CDH13: variants seen among roughly 807,000 people sequenced by gnomAD.
The protein encoded by CDH13 is cadherin-13.
Under a neutral mutation model 63.8 loss-of-function variants are expected in CDH13, and 24 were observed. That is an observed-to-expected ratio of 0.38 (90% CI 0.27 to 0.53). The LOEUF (loss-of-function observed/expected upper bound fraction) is 0.53. Among genes scored for constraint, CDH13 ranks in the 20% least tolerant of loss-of-function variants. The pLI, the probability that CDH13 is intolerant of heterozygous loss-of-function variation, is 0.85. For synonymous variants in CDH13, 503 were observed against 355.3 expected, an observed-to-expected ratio of 1.42 and a Z score of -4.67; for missense variants, 1,049 against 903.1, an observed-to-expected ratio of 1.16 and a Z score of -2.07.
At position 83,486,651 on chromosome 16, in the gene CDH13, G is replaced by T; in HGVS notation, c.956G>T (p.Arg319Leu). Residue 319 changes from arginine to leucine, a missense_variant, in exon 7 of 14, where the codon CGA becomes CTA. Coordinates refer to ENST00000567109, the MANE Select transcript of CDH13 (RefSeq NM_001257.5). ...VTVVSPALLD[R>L]ETLENPKYEL... ...GTTGTGTCACCTGCGCTGCTGGACC[G>T]AGAGGTGAGCTGAAAAGAATACACT... The T allele has an allele frequency of 1.2e-6, 2 of 1,613,346 alleles. No homozygotes were observed. The highest frequency in any genetic ancestry group is 2.2e-5 in the South Asian group (2 of 91,002).
At chr16:82,931,445 G>C (rs1427202115) in intron 2 of CDH13, among the ~76,000 whole-genome samples, 1 of 151,922 alleles carries the variant, frequency 6.6e-6, no homozygotes, top group African/African-American at 2.4e-5. Flanking sequence ...TTGATGCTAT[G>C]GGCATAAATG....
At chr16:82,669,372 A>C (rs1203442607) in intron 1 of CDH13, among the ~76,000 whole-genome samples, 3 of 152,246 alleles carry the variant, frequency 2.0e-5, no homozygotes, top group Non-Finnish European at 2.9e-5. Context: ...ACGCAGGTAC[A>C]ATATATCTTA....
chr16:83,289,163 G>C (rs900219699), intron 5 of CDH13, among the ~76,000 whole-genome samples: 7 of 152,216 alleles, frequency 4.6e-5, no homozygotes, highest in Admixed American at 4.6e-4. Flanking sequence ...GCGAAGACCA[G>C]GAAGAATTCA....
At chr16:83,582,247 A>G (rs554726679) in intron 7 of CDH13, among the ~76,000 whole-genome samples, 1 of 152,082 alleles carries the variant, frequency 6.6e-6, no homozygotes, top group Admixed American at 6.5e-5. Context: ...TGCTTTACGC[A>G]GATGTTTCTG....
chr16:83,715,891 GA>G lies in CDH13; in HGVS notation c.1539-32210del, dbSNP rs1402828855. 5.3e-5 allele frequency among the ~76,000 whole-genome samples: 8 copies of G among 152,092 alleles called. No homozygotes were observed. The East Asian group carries it at 1.4e-3, about 26-fold the overall frequency. ...AAGACGAAATGCCTTCCTGGGTGGG[GA>G]AAAAAACAACAGATGTCCACTACCC... On this transcript the variant is annotated intron_variant, in intron 10 of 13. Coordinates refer to ENST00000567109, the MANE Select transcript of CDH13 (RefSeq NM_001257.5).
At chr16:83,427,700 G>A (rs560732060) in intron 6 of CDH13, among the ~76,000 whole-genome samples, 2 of 151,574 alleles carry the variant, frequency 1.3e-5, no homozygotes, top group South Asian at 2.1e-4. Flanking sequence ...CTCCACCCTC[G>A]GCAGGCCTGG....
At chr16:82,751,488 A>G (rs1452046257) in intron 1 of CDH13, among the ~76,000 whole-genome samples, 2 of 152,004 alleles carry the variant, frequency 1.3e-5, no homozygotes, top group Non-Finnish European at 1.5e-5. Flanking sequence ...ACCTCCTACT[A>G]CAGCACCTCA....
chr16:83,729,700 C>G (rs1292615473), intron 10 of CDH13, among the ~76,000 whole-genome samples: 1 of 152,132 alleles, frequency 6.6e-6, no homozygotes, highest in Admixed American at 6.5e-5. Flanking sequence ...ATAAGCTGAC[C>G]CATGTAAAGT....
intron 3 of CDH13, among the ~76,000 whole-genome samples, chr16:83,071,023 A>G (rs1395080364): frequency 6.6e-6 from 1 of 152,120 alleles, no homozygotes; most frequent in African/African-American, 2.4e-5. Context: ...CTGGCAAAGG[A>G]AAAGAACATT....
rs187364284 is a variant in CDH13, at chr16:83,086,040, C to T, written c.367-39345C>T. On this transcript the variant is annotated intron_variant, in intron 3 of 13. Coordinates refer to ENST00000567109, the MANE Select transcript of CDH13 (RefSeq NM_001257.5). Reference sequence around the variant, plus strand: ...ACAGCTAAGGCAGGTGTACTGGCTGCTCCAATTGAGAACAAACAAGGCACC... The same window carrying T: ...ACAGCTAAGGCAGGTGTACTGGCTGTTCCAATTGAGAACAAACAAGGCACC... 7.9e-5 allele frequency among the ~76,000 whole-genome samples: 12 copies of T among 152,278 alleles called. No individual in the cohort carries two copies. The East Asian group carries it at 2.3e-3, about 29-fold the overall frequency.
chr16:82,818,702 G>A (rs568849991), intron 1 of CDH13, among the ~76,000 whole-genome samples: 2 of 152,232 alleles, frequency 1.3e-5, no homozygotes, highest in South Asian at 2.1e-4. Context: ...CAAAAAAAAG[G>A]CAGTGACGGT....
chr16:83,002,121 T>C (rs1033284938), intron 2 of CDH13, among the ~76,000 whole-genome samples: 14 of 152,314 alleles, frequency 9.2e-5, no homozygotes, highest in Admixed American at 3.9e-4. Context: ...AAAAGATATG[T>C]CCACATCCTA....
intron 5 of CDH13, among the ~76,000 whole-genome samples, chr16:83,326,370 A>C (rs1384189043): frequency 6.6e-6 from 1 of 150,524 alleles, no homozygotes; most frequent in Non-Finnish European, 1.5e-5. Context: ...TATCTCAAGG[A>C]TTGGAGAAAC....
chr16:83,632,409 A>C (rs751518765), intron 8 of CDH13, among the ~76,000 whole-genome samples: 14 of 152,092 alleles, frequency 9.2e-5, no homozygotes, highest in Non-Finnish European at 2.1e-4. Flanking sequence ...TTGGTAATGA[A>C]GGCCAGCAGC....
At chr16:82,924,084 ACCC>A (rs1221924950) in intron 2 of CDH13, among the ~76,000 whole-genome samples, 1 of 152,248 alleles carries the variant, frequency 6.6e-6, no homozygotes, top group East Asian at 1.9e-4. Context: ...GATGGAGATT[ACCC>A]AATTAAATAA....
chr16:83,130,359 G>T (rs1473904280), intron 4 of CDH13, among the ~76,000 whole-genome samples: 1 of 152,200 alleles, frequency 6.6e-6, no homozygotes, highest in African/African-American at 2.4e-5. Flanking sequence ...AGATTTCAAA[G>T]TCTGTGCTCT....
intron 6 of CDH13, among the ~76,000 whole-genome samples, chr16:83,359,079 A>T (rs1047186031): frequency 1.3e-5 from 2 of 151,948 alleles, no homozygotes; most frequent in Non-Finnish European, 2.9e-5. Context: ...GAGAATATTA[A>T]TTTTTTTCTT....
intron 2 of CDH13, among the ~76,000 whole-genome samples, chr16:83,023,494 C>T (rs1915533054): frequency 6.6e-6 from 1 of 152,106 alleles, no homozygotes; most frequent in African/African-American, 2.4e-5. Flanking sequence ...ACAGATAGTT[C>T]ATTTCCCCTT....
chr16:83,706,266 C>T (rs1369867985), intron 10 of CDH13, among the ~76,000 whole-genome samples: 3 of 152,206 alleles, frequency 2.0e-5, no homozygotes, highest in Non-Finnish European at 4.4e-5. Flanking sequence ...CAAAAGCCAG[C>T]TTGCAGTGGT....
Sources: gnomAD v4.1 joint callset for allele counts (sites outside exome capture counted in the v4.1 genomes callset) on GRCh38, gnomAD v4.1.1 for gene constraint, MANE v1.5 for transcripts, NCBI Gene and HGNC (gene_info 2026-07-23, HGNC 2026-07-21) for gene names.